The following PSD3 variants were observed in gnomAD, a reference collection of about 807,000 sequenced individuals.
PSD3 encodes the protein PH and SEC7 domain-containing protein 3.
PSD3 carries 49 observed loss-of-function variants against 105.5 expected under a neutral mutation model. That is an observed-to-expected ratio of 0.46 (90% CI 0.37 to 0.59). PSD3 has a LOEUF of 0.59. PSD3 is among the 20% of genes least tolerant of loss of function. The probability of loss-of-function intolerance (pLI) is 0.00; values close to 1 mark genes in which losing one functional copy is unlikely to be tolerated. For synonymous variants in PSD3, 557 were observed against 457.8 expected, an observed-to-expected ratio of 1.22 and a Z score of -2.77; for missense variants, 1,561 against 1,263.8, an observed-to-expected ratio of 1.24 and a Z score of -3.57.
At chr8:18,544,257 C>G (rs1029193471) in intron 15 of PSD3, among the ~76,000 whole-genome samples, 1 of 151,364 alleles carries the variant, frequency 6.6e-6, no homozygotes. Flanking sequence ...CTGCTCATCT[C>G]CCTTCTGCGT....
At chr8:18,692,685 AT>A (rs138778098) in intron 9 of PSD3, among the ~76,000 whole-genome samples, 2,627 of 152,182 alleles carry the variant, frequency 0.017, 84 homozygotes, top group Admixed American at 0.066. Flanking sequence ...GGGATTATTC[AT>A]TTTTTTCTTC....
chr8:18,595,511 A>C (rs1419355929), intron 12 of PSD3, among the ~76,000 whole-genome samples: 1 of 150,862 alleles, frequency 6.6e-6, no homozygotes, highest in Non-Finnish European at 1.5e-5. Context: ...AGAAAAAAAA[A>C]CCCAAGTATA....
intron 9 of PSD3, among the ~76,000 whole-genome samples, chr8:18,710,235 G>C (rs1802167832): frequency 6.6e-6 from 1 of 152,068 alleles, no homozygotes; most frequent in African/African-American, 2.4e-5. Flanking sequence ...ATGTGGAGGA[G>C]AGAATCTCAG....
chr8:18,543,514 A>G (rs1463380401), intron 15 of PSD3, among the ~76,000 whole-genome samples: 1 of 151,688 alleles, frequency 6.6e-6, no homozygotes, highest in Non-Finnish European at 1.5e-5. Flanking sequence ...GCTACTCGGG[A>G]GGCTGAGGCA....
chr8:18,747,901 G>C (rs1407558942), intron 9 of PSD3, among the ~76,000 whole-genome samples: 1 of 152,170 alleles, frequency 6.6e-6, no homozygotes, highest in African/African-American at 2.4e-5. Flanking sequence ...TCAGGTTTCG[G>C]TGGAAGGTGG....
intron 1 of PSD3, among the ~76,000 whole-genome samples, chr8:19,027,886 A>G (rs956352438): frequency 1.8e-4 from 27 of 152,222 alleles, no homozygotes; most frequent in Admixed American, 1.6e-3. Context: ...ATTGCAAATA[A>G]AATGCTATGA....
chr8:19,069,659 T>C (rs1829189540), intron 1 of PSD3, among the ~76,000 whole-genome samples: 1 of 152,312 alleles, frequency 6.6e-6, no homozygotes, highest in Middle Eastern at 3.4e-3. Flanking sequence ...GCTAAGGGCT[T>C]CGAATCTTTT....
Position 18,913,096 on chromosome 8 carries a change from C to CAA in PSD3, c.130+22937_130+22938insTT, listed in dbSNP as rs572354961. 6.6e-3 allele frequency among the ~76,000 whole-genome samples: 999 copies of CAA among 150,312 alleles called. 5 individuals are homozygous for CAA. Among genetic ancestry groups the CAA allele is most frequent in the Middle Eastern group, 0.017 (5 of 294 alleles). On this transcript the variant is annotated intron_variant, in intron 2 of 15. Coordinates refer to ENST00000327040, the MANE Select transcript of PSD3 (RefSeq NM_015310.4). ...ACACACACACACACAAACACACACACACACACACACACACACACACACACA... is the reference window on the plus strand; with the variant it reads ...ACACACACACACACAAACACACACACAAACACACACACACACACACACACACA...
chr8:18,542,968 C>T (rs964392729), intron 15 of PSD3, among the ~76,000 whole-genome samples: 3 of 152,070 alleles, frequency 2.0e-5, no homozygotes, highest in African/African-American at 7.2e-5. Flanking sequence ...AGGAATGCTC[C>T]AACAGGGTAA....
intron 2 of PSD3, among the ~76,000 whole-genome samples, chr8:18,884,585 T>C (rs946245486): frequency 3.3e-5 from 5 of 151,928 alleles, no homozygotes; most frequent in East Asian, 1.9e-4. Flanking sequence ...CTGATAATGC[T>C]AAAGGCACAG....
chr8:18,638,127 C>G (rs1383095072), intron 10 of PSD3, among the ~76,000 whole-genome samples: 1 of 148,922 alleles, frequency 6.7e-6, no homozygotes, highest in Non-Finnish European at 1.5e-5. Context: ...TGCACTCCAG[C>G]CTGGGCGACA....
intron 1 of PSD3, among the ~76,000 whole-genome samples, chr8:19,030,710 GT>G (rs1563519297): frequency 6.6e-6 from 1 of 151,992 alleles, no homozygotes; most frequent in Non-Finnish European, 1.5e-5. Flanking sequence ...TTTAATTACC[GT>G]TTATCATCTA....
chr8:18,909,655 T>C (rs189404785), intron 2 of PSD3, among the ~76,000 whole-genome samples: 142 of 152,100 alleles, frequency 9.3e-4, no homozygotes, highest in African/African-American at 3.1e-3. Context: ...GGCTAATTTT[T>C]GTATTTTTAG....
intron 7 of PSD3, among the ~76,000 whole-genome samples, chr8:18,799,653 C>T (rs544530115): frequency 1.4e-4 from 22 of 152,244 alleles, no homozygotes; most frequent in African/African-American, 4.3e-4. Flanking sequence ...TAGGGCTTTG[C>T]ACTACAGCAA....
intron 10 of PSD3, among the ~76,000 whole-genome samples, chr8:18,640,354 C>G: frequency 6.6e-6 from 1 of 152,242 alleles, no homozygotes; most frequent in Middle Eastern, 3.4e-3. Context: ...TTAAGTGATA[C>G]GGTTTGGCTG....
chr8:18,822,253 T>C (rs370262446), intron 4 of PSD3, among the ~76,000 whole-genome samples: 3 of 152,120 alleles, frequency 2.0e-5, no homozygotes, highest in East Asian at 3.8e-4. Context: ...TTGTACATGA[T>C]ACAAAGAAAT....
intron 1 of PSD3, among the ~76,000 whole-genome samples, chr8:19,022,888 T>C (rs1484284333): frequency 6.0e-5 from 9 of 150,358 alleles, no homozygotes; most frequent in Non-Finnish European, 1.2e-4. Flanking sequence ...AATCTGTGCA[T>C]GGGGTAGATG....
At chr8:18,626,209 A>C (rs1030329371) in intron 11 of PSD3, among the ~76,000 whole-genome samples, 3 of 152,074 alleles carry the variant, frequency 2.0e-5, no homozygotes, top group African/African-American at 7.2e-5. Context: ...AAGGTTTAAA[A>C]ATATGGATGC....
chr8:18,859,172 C>T (rs904057889), intron 4 of PSD3, among the ~76,000 whole-genome samples: 7 of 151,404 alleles, frequency 4.6e-5, no homozygotes, highest in Middle Eastern at 3.4e-3. Context: ...TCAGAGCTCC[C>T]GGGTGACCAG....
Sources: gnomAD v4.1 joint callset for allele counts (sites outside exome capture counted in the v4.1 genomes callset) on GRCh38, gnomAD v4.1.1 for gene constraint, MANE v1.5 for transcripts, NCBI Gene and HGNC (gene_info 2026-07-23, HGNC 2026-07-21) for gene names.